The following BLM variants were observed in gnomAD, a reference collection of about 807,000 sequenced individuals.
The protein encoded by BLM is BLM RecQ like helicase.
BLM carries 95 observed loss-of-function variants against 135.3 expected under a neutral mutation model. The observed-to-expected ratio is 0.70, with a 90% confidence interval of 0.59 to 0.83. The LOEUF (loss-of-function observed/expected upper bound fraction) is 0.83. BLM is among the 40% of genes least tolerant of loss of function. The pLI, the probability that BLM is intolerant of heterozygous loss-of-function variation, is 0.00. For missense variants in BLM, 1,518 were observed against 1,663.9 expected (o/e 0.91, Z 1.53); for synonymous variants, 520 against 589.2 (o/e 0.88, Z 1.70).
intron 1 of BLM, among the ~76,000 whole-genome samples, chr15:90,733,113 A>G (rs761394392): frequency 1.8e-4 from 27 of 152,104 alleles, no homozygotes; most frequent in South Asian, 6.2e-4. Flanking sequence ...AAAAAAAAAG[A>G]TGTGTATCTT....
At chr15:90,723,617 C>T (rs938634439) in intron 1 of BLM, among the ~76,000 whole-genome samples, 24 of 152,050 alleles carry the variant, frequency 1.6e-4, no homozygotes, top group African/African-American at 4.3e-4. Context: ...TGTGCCACTG[C>T]GCTCTAGCCT....
intron 4 of BLM, 119 bp from the exon 5 acceptor site, chr15:90,754,691 CT>C: frequency 1.7e-6 from 2 of 1,149,542 alleles, no homozygotes; most frequent in Admixed American, 2.8e-5. Context: ...TAAAAAACTA[CT>C]TCTCTTTTCT....
rs28385012 is a variant in BLM at position 90,761,145 on chromosome 15, G to A, written c.1772G>A (p.Arg591Gln). ...GCCTATCAACCCATCAAGGAAGGTC[G>A]GCCAATTAAATCAGTATCAGAAAGA... is the stretch of plus-strand genomic sequence containing the variant. ...TAAYQPIKEG[R>Q]PIKSVSERLS... The change falls in exon 7 of 22, where the codon CGG (arginine) becomes CAG (glutamine). Residue 591 changes from arginine (R) to glutamine (Q), a missense_variant. Arg to Gln is a conservative substitution (Grantham distance 43). Transcript: ENST00000355112. 17 of 1,531,960 alleles carry A rather than the reference G, an allele frequency of 1.1e-5. No individual in the cohort carries two copies. The highest frequency in any genetic ancestry group is 1.8e-4 in the Middle Eastern group (1 of 5,662). The allele number at this position is 1,531,960 out of a possible 1,614,324, so 94.9% of individuals were successfully genotyped here.
At chr15:90,752,764 C>T (rs1419591290) in intron 4 of BLM, among the ~76,000 whole-genome samples, 1 of 152,198 alleles carries the variant, frequency 6.6e-6, no homozygotes, top group East Asian at 1.9e-4. Flanking sequence ...CCTTCGTCCT[C>T]ATCCCAGTCT....
chr15:90,799,971 C>T (rs1258452634), intron 17 of BLM, among the ~76,000 whole-genome samples: 1 of 152,136 alleles, frequency 6.6e-6, no homozygotes, highest in East Asian at 1.9e-4. Flanking sequence ...ATGGGAGATA[C>T]AAAGTTTTTA....
chr15:90,754,440 G>A (rs1895762678), intron 4 of BLM, among the ~76,000 whole-genome samples: 1 of 152,168 alleles, frequency 6.6e-6, no homozygotes, highest in Non-Finnish European at 1.5e-5. Context: ...CTTTGGCTGG[G>A]GCTAGAAGAA....
At chr15:90,753,365 A>T (rs1338513379) in intron 4 of BLM, among the ~76,000 whole-genome samples, 1 of 152,246 alleles carries the variant, frequency 6.6e-6, no homozygotes, top group Non-Finnish European at 1.5e-5. Context: ...TGTAATCAAC[A>T]TGTAATTATA....
chr15:90,776,516 C>CT (rs1028251660), intron 12 of BLM, among the ~76,000 whole-genome samples: 120 of 152,056 alleles, frequency 7.9e-4, no homozygotes, highest in African/African-American at 2.7e-3. Context: ...TTTCTAATAA[C>CT]TTTTTTGTTG....
At chr15:90,751,246 T>C (rs950559522) in intron 3 of BLM, among the ~76,000 whole-genome samples, 1 of 152,196 alleles carries the variant, frequency 6.6e-6, no homozygotes, top group Non-Finnish European at 1.5e-5. Flanking sequence ...GAGAGAGCAC[T>C]GAAAAGTGAT....
intron 1 of BLM, among the ~76,000 whole-genome samples, chr15:90,736,165 T>C (rs1895210632): frequency 6.6e-6 from 1 of 152,214 alleles, no homozygotes; most frequent in Non-Finnish European, 1.5e-5. Context: ...AAACCTCCTT[T>C]GAGGGAGAAG....
At chr15:90,772,546 G>C (rs1324716958) in intron 12 of BLM, among the ~76,000 whole-genome samples, 1 of 152,194 alleles carries the variant, frequency 6.6e-6, no homozygotes, top group Non-Finnish European at 1.5e-5. Flanking sequence ...TGAGGAAATT[G>C]AGACACAAAG....
At chr15:90,742,608 T>C (rs2238331) in intron 1 of BLM, among the ~76,000 whole-genome samples, 64,451 of 151,068 alleles carry the variant, frequency 0.43, 15,351 homozygotes, top group African/African-American at 0.67. Flanking sequence ...CTCTCTCTCT[T>C]TTTTTTTTAA....
intron 15 of BLM, among the ~76,000 whole-genome samples, chr15:90,791,053 T>A (rs924748377): frequency 6.6e-6 from 1 of 152,226 alleles, no homozygotes; most frequent in Non-Finnish European, 1.5e-5. Flanking sequence ...GATACAGATG[T>A]GTACAAGGCA....
intron 8 of BLM, 45 bp downstream of exon 8, chr15:90,763,202 G>A (rs1896034245): frequency 6.3e-7 from 1 of 1,591,372 alleles, no homozygotes; most frequent in African/African-American, 1.3e-5. Flanking sequence ...ATTGGCAGAT[G>A]TTAAATGAAA....
intron 12 of BLM, among the ~76,000 whole-genome samples, chr15:90,777,209 C>T (rs1335241392): frequency 2.6e-5 from 4 of 151,992 alleles, no homozygotes; most frequent in African/African-American, 9.7e-5. Context: ...GTTGCCCAGG[C>T]TGGAGTACAG....
chr15:90,804,765 G>C (rs1897250488), intron 19 of BLM, among the ~76,000 whole-genome samples: 1 of 152,080 alleles, frequency 6.6e-6, no homozygotes, highest in African/African-American at 2.4e-5. Context: ...CACTGAGCCT[G>C]GCCTCAGTTG....
intron 15 of BLM, 108 bp downstream of exon 15, chr15:90,790,952 G>GA: frequency 9.1e-7 from 1 of 1,099,726 alleles, no homozygotes; most frequent in East Asian, 2.5e-5. Flanking sequence ...AATAATCGTA[G>GA]AAAAATAGAG....
At chr15:90,812,676 G>A (rs1024275229) in intron 21 of BLM, among the ~76,000 whole-genome samples, 8 of 152,112 alleles carry the variant, frequency 5.3e-5, no homozygotes, top group Non-Finnish European at 1.2e-4. Context: ...GCAAGCTGTT[G>A]TGTTTTCTTT....
chr15:90,805,596 T>C (rs918309995), intron 19 of BLM, among the ~76,000 whole-genome samples: 12 of 149,754 alleles, frequency 8.0e-5, no homozygotes, highest in African/African-American at 3.0e-4. Context: ...AAGACCAGCC[T>C]GCCCAAGATG....
Sources: allele counts gnomAD v4.1 joint callset (sites outside exome capture counted in the v4.1 genomes callset), GRCh38; gene constraint gnomAD v4.1.1; transcripts MANE v1.5; gene names NCBI Gene and HGNC (gene_info 2026-07-23, HGNC 2026-07-21).